The following PTPRT variants were observed in gnomAD, a reference collection of about 807,000 sequenced individuals.
The protein encoded by PTPRT is receptor-type tyrosine-protein phosphatase T.
A neutral mutation model predicts 176.8 loss-of-function variants in PTPRT; 56 were observed. That is an observed-to-expected ratio of 0.32 (90% CI 0.26 to 0.40). The LOEUF is 0.40. Ranked by LOEUF, PTPRT falls within the 10% of genes least tolerant of loss-of-function variation. The pLI is 1.00. For missense variants in PTPRT, 1,540 were observed against 1,908.2 expected (o/e 0.81, Z 3.60); for synonymous variants, 783 against 739.0 (o/e 1.06, Z -0.96).
chr20:43,108,864 G>C (rs879385599), intron 1 of PTPRT, among the ~76,000 whole-genome samples: 1 of 152,020 alleles, frequency 6.6e-6, no homozygotes, highest in Non-Finnish European at 1.5e-5. Flanking sequence ...ATTTAAAAAA[G>C]GCTTCGAAAA....
intron 13 of PTPRT, among the ~76,000 whole-genome samples, chr20:42,251,204 C>A (rs17224358): frequency 0.094 from 14,317 of 152,132 alleles, 777 homozygotes; most frequent in East Asian, 0.21. Flanking sequence ...TGGCACAGCC[C>A]AATTTTACTT....
At chr20:42,356,199 A>G (rs2145544907) in intron 9 of PTPRT, among the ~76,000 whole-genome samples, 1 of 152,268 alleles carries the variant, frequency 6.6e-6, no homozygotes, top group East Asian at 1.9e-4. Flanking sequence ...ATGAACCTTC[A>G]TTTATAAGCG....
chr20:42,967,653 C>G (rs765206650), intron 1 of PTPRT, among the ~76,000 whole-genome samples: 2 of 152,122 alleles, frequency 1.3e-5, no homozygotes, highest in African/African-American at 4.8e-5. Context: ...CCCTACGAAC[C>G]GAAAACAGTG....
intron 27 of PTPRT, among the ~76,000 whole-genome samples, chr20:42,086,651 C>T (rs892665445): frequency 1.3e-4 from 19 of 142,182 alleles, no homozygotes; most frequent in African/African-American, 4.3e-4. Flanking sequence ...ATAGGGGTTT[C>T]GGGAGGCGGA....
chr20:42,198,735 T>G (rs186329427), intron 16 of PTPRT, among the ~76,000 whole-genome samples: 18 of 152,306 alleles, frequency 1.2e-4, no homozygotes, highest in Admixed American at 1.0e-3. Flanking sequence ...GGGATGAGGC[T>G]TCCAATCTAA....
At chr20:42,445,707 C>G (rs765731342) in intron 9 of PTPRT, among the ~76,000 whole-genome samples, 3 of 152,162 alleles carry the variant, frequency 2.0e-5, no homozygotes, top group African/African-American at 7.2e-5. Flanking sequence ...CAAGTCACAG[C>G]GAAGAAGCTA....
chr20:42,692,522 C>T (rs1026684316), intron 6 of PTPRT, among the ~76,000 whole-genome samples: 1 of 152,104 alleles, frequency 6.6e-6, no homozygotes, highest in African/African-American at 2.4e-5. Flanking sequence ...TTTTAGAAAA[C>T]TAGAAATAGA....
chr20:42,410,075 C>T (rs1294264657), intron 9 of PTPRT, among the ~76,000 whole-genome samples: 1 of 151,936 alleles, frequency 6.6e-6, no homozygotes, highest in Non-Finnish European at 1.5e-5. Context: ...ATGTTTCATG[C>T]AAAAACTTAG....
intron 1 of PTPRT, among the ~76,000 whole-genome samples, chr20:42,940,345 AAGAGCTC>A (rs1361465705): frequency 6.6e-6 from 1 of 152,232 alleles, no homozygotes; most frequent in Non-Finnish European, 1.5e-5. Context: ...GATGTTGTCA[AAGAGCTC>A]ACAAGCTCAC....
chr20:42,268,050 T>C (rs986388884), intron 13 of PTPRT, among the ~76,000 whole-genome samples: 10 of 152,186 alleles, frequency 6.6e-5, no homozygotes, highest in African/African-American at 2.2e-4. Context: ...CTACATAATG[T>C]GGTCCTGCAG....
intron 8 of PTPRT, among the ~76,000 whole-genome samples, chr20:42,458,791 T>A (rs577672758): frequency 6.6e-6 from 1 of 152,220 alleles, no homozygotes; most frequent in African/African-American, 2.4e-5. Flanking sequence ...TTAAATCTAA[T>A]TTTTCTCTGA....
At chr20:42,963,726 C>G (rs1024031684) in intron 1 of PTPRT, among the ~76,000 whole-genome samples, 23 of 151,920 alleles carry the variant, frequency 1.5e-4, no homozygotes, top group African/African-American at 5.3e-4. Flanking sequence ...ACTATGCTAC[C>G]CACCCTACCC....
chr20:42,059,378 A>G, the PTPRT span, among the ~76,000 whole-genome samples: 2 of 152,226 alleles, frequency 1.3e-5, no homozygotes, highest in Non-Finnish European at 2.9e-5. Context: ...GCCTCTTTGC[A>G]TGCAGACTGA....
chr20:42,070,541 C>T (rs962679217), downstream of PTPRT, among the ~76,000 whole-genome samples: 14 of 151,924 alleles, frequency 9.2e-5, no homozygotes, highest in African/African-American at 3.4e-4. Context: ...AATAGCTTAG[C>T]TTCAAGTTCA....
chr20:42,270,249 T>C (rs2050840533), intron 13 of PTPRT: 1 of 666,762 alleles, frequency 1.5e-6, no homozygotes, highest in Non-Finnish European at 2.6e-6. Context: ...GATGAATGAA[T>C]GTGTGGGTTG....
chr20:43,133,877 G>A (rs1222360690), intron 1 of PTPRT, among the ~76,000 whole-genome samples: 2 of 152,170 alleles, frequency 1.3e-5, no homozygotes, highest in Admixed American at 6.5e-5. Flanking sequence ...TAGACCTGGT[G>A]GGGGCCTGGG....
intron 7 of PTPRT, among the ~76,000 whole-genome samples, chr20:42,590,293 A>G (rs542885911): frequency 4.6e-5 from 7 of 152,222 alleles, no homozygotes; most frequent in East Asian, 3.9e-4. Context: ...GGAGCCCCCA[A>G]ATGAAGCCAC....
At chr20:42,536,359 T>C (rs1354754838) in intron 7 of PTPRT, among the ~76,000 whole-genome samples, 13 of 152,184 alleles carry the variant, frequency 8.5e-5, no homozygotes, top group African/African-American at 3.1e-4. Context: ...AATTAAATGA[T>C]GTACCCATTG....
chr20:42,102,098 G>C (rs754481062), intron 26 of PTPRT, 26 bp downstream of exon 26: 2 of 1,600,586 alleles, frequency 1.2e-6, no homozygotes. Flanking sequence ...TGCCAGCTAG[G>C]AGCTTTCTGC....
Sources: gnomAD v4.1 joint callset for allele counts (sites outside exome capture counted in the v4.1 genomes callset) on GRCh38, gnomAD v4.1.1 for gene constraint, MANE v1.5 for transcripts, NCBI Gene and HGNC (gene_info 2026-07-23, HGNC 2026-07-21) for gene names.